The following WDFY3 variants were observed in gnomAD, a reference collection of about 807,000 sequenced individuals.
WDFY3 encodes the protein WD repeat and FYVE domain-containing protein 3.
A neutral mutation model predicts 409.6 loss-of-function variants in WDFY3; 66 were observed. The ratio of observed to expected loss-of-function variants is 0.16; its 90% CI spans 0.13 to 0.20. WDFY3 has a LOEUF of 0.20. WDFY3 is among the 10% of genes least tolerant of loss of function. WDFY3 has a pLI of 1.00. For missense variants in WDFY3, 3,031 were observed against 4,298.1 expected, an observed-to-expected ratio of 0.71 and a Z score of 8.24; for synonymous variants, 1,521 against 1,537.1, an observed-to-expected ratio of 0.99 and a Z score of 0.25.
chr4:84,680,237 T>C (rs1373600593), intron 64 of WDFY3, among the ~76,000 whole-genome samples: 1 of 152,186 alleles, frequency 6.6e-6, no homozygotes, highest in Non-Finnish European at 1.5e-5. Context: ...GGCCATTGCA[T>C]ATAGTGGTTA....
At position 84,804,718 on chromosome 4, in the gene WDFY3, A is replaced by AT. The variant is rs1326985622; in HGVS notation, c.2430-1252_2430-1251insA. On this transcript the variant is annotated intron_variant, in intron 15 of 67. Transcript: ENST00000295888. ...TGATCCATCTAGAAAAAAGATTCAT[A>AT]ATTTATCTAGCATGTATCAGAAATA... 3.3e-5 allele frequency among the ~76,000 whole-genome samples: 5 copies of AT among 152,192 alleles called. No homozygotes were observed. In the East Asian group the frequency reaches 9.6e-4, roughly 29 times the overall value.
chr4:84,690,427 G>T (rs1014631938), intron 61 of WDFY3, 79 bp downstream of exon 61: 7 of 1,599,616 alleles, frequency 4.4e-6, no homozygotes, highest in Non-Finnish European at 6.0e-6. Context: ...CAGAATTAAG[G>T]AAGCTTTTTA....
intron 29 of WDFY3, among the ~76,000 whole-genome samples, chr4:84,773,964 C>T (rs1267936868): frequency 6.6e-6 from 1 of 152,216 alleles, no homozygotes; most frequent in Non-Finnish European, 1.5e-5. Flanking sequence ...TCATGATCCG[C>T]CTGCCTCAGC....
chr4:84,876,774 T>C (rs1358525307), intron 3 of WDFY3, among the ~76,000 whole-genome samples: 3 of 152,132 alleles, frequency 2.0e-5, no homozygotes, highest in Non-Finnish European at 4.4e-5. Flanking sequence ...GGGTGTGTAT[T>C]TTACTGTTTC....
At chr4:84,792,627 CAT>C (rs1464991291) in intron 21 of WDFY3, among the ~76,000 whole-genome samples, 1 of 152,132 alleles carries the variant, frequency 6.6e-6, no homozygotes, top group Admixed American at 6.5e-5. Flanking sequence ...AATACTAATG[CAT>C]ATGTTACCGT....
chr4:84,826,409 C>A (rs1369136480), intron 10 of WDFY3, among the ~76,000 whole-genome samples: 2 of 151,950 alleles, frequency 1.3e-5, no homozygotes, highest in African/African-American at 4.8e-5. Context: ...GGCAGGGGGT[C>A]CTGGAACCAA....
At chr4:84,905,916 T>A (rs1766983265) in intron 2 of WDFY3, among the ~76,000 whole-genome samples, 1 of 152,200 alleles carries the variant, frequency 6.6e-6, no homozygotes, top group African/African-American at 2.4e-5. Flanking sequence ...GTCACCTCTC[T>A]TGACAAGCCT....
In WDFY3 at chr4:84,921,646, ATTTTTTTTTTTTTTTTTTTT is replaced by A. The variant is rs747576197; in HGVS notation, c.-132+10604_-132+10623del. ...ATGGAACCAAGTCTCTATTGCTTTC[ATTTTTTTTTTTTTTTTTTTT>A]TTTTTTTTTGAGACGGAGTCTCACT... On this transcript the variant is annotated intron_variant, in intron 2 of 67. Transcript: ENST00000295888. Among the ~76,000 whole-genome samples the A allele has an allele frequency of 8.9e-5, 7 of 78,668 alleles. No homozygotes were observed. In the Admixed American group the frequency reaches 9.6e-4, roughly 11 times the overall value. 51.6% of individuals were successfully genotyped at this position (78,668 alleles called of 152,430 possible). A position where few individuals can be genotyped will look rare whatever the true frequency, so the allele number is the denominator to read the frequency against.
chr4:84,890,159 G>A (rs113029176), intron 3 of WDFY3, among the ~76,000 whole-genome samples: 5 of 152,108 alleles, frequency 3.3e-5, no homozygotes, highest in African/African-American at 1.2e-4. Context: ...GAGTACAGTG[G>A]CACGACCATG....
intron 2 of WDFY3, 133 bp downstream of exon 2, chr4:84,932,137 T>A (rs1008918787): frequency 2.6e-5 from 4 of 152,088 alleles, no homozygotes; most frequent in African/African-American, 9.7e-5. Context: ...CAGTCATCAG[T>A]GGTAAAGGAC....
At position 84,810,235 on chromosome 4, in the gene WDFY3, C is replaced by G. The variant is rs1752259463; in HGVS notation, c.1997G>C (p.Ser666Thr). 6.2e-7 allele frequency: 1 copy of G among 1,614,072 alleles called. No homozygotes were observed. The highest frequency in any genetic ancestry group is 8.5e-7 in the Non-Finnish European group (1 of 1,179,992). The change falls in exon 14 of 68, where the codon AGC (serine) becomes ACC (threonine). Residue 666 changes from serine to threonine, a missense_variant. Physicochemically the swap from Ser to Thr is moderately conservative, Grantham distance 58. This residue lies in a region of WDFY3 where 1,322 missense variants were observed against 1,697.9 expected (regional missense o/e 0.78). Transcript: ENST00000295888. ...SLLVAMERSLSCPPKNGWEKV... is the reference protein window; with the variant it reads ...SLLVAMERSLTCPPKNGWEKV... The stretch of plus-strand genomic sequence containing the variant: ...CTCCCAGCCATTCTTGGGTGGACAG[C>G]TCAAAGATCTTTCCATAGCAACGAG...
chr4:84,753,903 CTA>C (rs1560670452), intron 34 of WDFY3, 27 bp from the exon 35 acceptor site: 7 of 1,540,968 alleles, frequency 4.5e-6, no homozygotes, highest in South Asian at 1.3e-5. Flanking sequence ...AGAGGAAACA[CTA>C]TGTTACAGTT....
intron 36 of WDFY3, chr4:84,751,173 T>C (rs966615834): frequency 2.6e-5 from 10 of 390,018 alleles, no homozygotes; most frequent in African/African-American, 1.8e-4. Flanking sequence ...CTTGAACAGA[T>C]GTGACAGAGA....
In WDFY3 at chr4:84,765,548, C is replaced by T. The variant is rs982120594; in HGVS notation, c.5188+262G>A. ...TGATAATTTGCTAATTATTTACTTA[C>T]AGATCAGTAAGGCCTATACTACAAA... On this transcript the variant is annotated intron_variant, in intron 32 of 67. Coordinates refer to ENST00000295888, the MANE Select transcript of WDFY3 (RefSeq NM_014991.6). 2.6e-5 allele frequency among the ~76,000 whole-genome samples: 4 copies of T among 152,260 alleles called. No individual in the cohort carries two copies. In the South Asian group the frequency reaches 8.3e-4, roughly 32 times the overall value.
At chr4:84,768,592 C>T (rs1459936367) in intron 30 of WDFY3, among the ~76,000 whole-genome samples, 7 of 152,152 alleles carry the variant, frequency 4.6e-5, no homozygotes, top group Non-Finnish European at 1.0e-4. Flanking sequence ...AGATTTTAAG[C>T]CCACTGTTCA....
chr4:84,935,746 T>C (rs1023974583), intron 1 of WDFY3, among the ~76,000 whole-genome samples: 3 of 152,180 alleles, frequency 2.0e-5, no homozygotes, highest in Non-Finnish European at 4.4e-5. Context: ...AATATAAATG[T>C]AATCTACAGA....
rs749849454 is a variant in WDFY3 at position 84,733,609 on chromosome 4, G to A, written c.6994C>T (p.Arg2332Cys). 2 of 1,607,548 alleles carry A rather than the reference G, an allele frequency of 1.2e-6. No individual in the cohort carries two copies. The highest frequency in any genetic ancestry group is 1.7e-6 in the Non-Finnish European group (2 of 1,176,318). ...VDTQYKEYQE[R>C]QQNALKYVTE... ...ACGTACTTCAGGGCATTCTGCTGACGCTGACAGGAAAGAGTCCAGGTCGGT... is the reference window on the plus strand; with the variant it reads ...ACGTACTTCAGGGCATTCTGCTGACACTGACAGGAAAGAGTCCAGGTCGGT... The change falls in exon 44 of 68, where the codon CGT (arginine) becomes TGT (cysteine). Residue 2332 changes from arginine (R) to cysteine (C), a missense_variant and splice_region_variant. Arg to Cys is a radical substitution (Grantham distance 180). This residue lies in a region of WDFY3 where 98 missense variants were observed against 194.9 expected (regional missense o/e 0.50). Transcript: ENST00000295888.
intron 4 of WDFY3, among the ~76,000 whole-genome samples, chr4:84,857,351 G>C (rs1759902991): frequency 6.6e-6 from 1 of 152,054 alleles, no homozygotes; most frequent in South Asian, 2.1e-4. Context: ...GTAGACTGTG[G>C]AAGCCTAACT....
intron 37 of WDFY3, among the ~76,000 whole-genome samples, chr4:84,742,758 C>T (rs1578326844): frequency 6.6e-6 from 1 of 152,158 alleles, no homozygotes; most frequent in South Asian, 2.1e-4. Context: ...CTTGCATCAT[C>T]GCAAAACCGT....
Sources: allele counts gnomAD v4.1 joint callset (sites outside exome capture counted in the v4.1 genomes callset), GRCh38; gene constraint gnomAD v4.1.1; regional missense constraint gnomAD v4.1.1; transcripts MANE v1.5; gene names NCBI Gene and HGNC (gene_info 2026-07-23, HGNC 2026-07-21).